KIF16B: variants seen among roughly 807,000 people sequenced by gnomAD.
KIF16B encodes kinesin-like protein KIF16B.
In KIF16B, 98 loss-of-function variants were observed where a neutral mutation model predicts 156.3. The observed-to-expected ratio is 0.63, with a 90% CI of 0.53 to 0.74. The LOEUF is 0.74. Ranked by LOEUF, KIF16B falls within the 30% of genes least tolerant of loss-of-function variation. The pLI is 0.00. For synonymous variants in KIF16B, 564 were observed against 583.7 expected, an observed-to-expected ratio of 0.97 and a Z score of 0.49; for missense variants, 1,421 against 1,606.5, an observed-to-expected ratio of 0.88 and a Z score of 1.97.
rs984816315 is a variant in KIF16B at position 16,429,065 on chromosome 20, A to G, written c.1423-61T>C. 4 of 1,407,108 alleles carry G rather than the reference A, an allele frequency of 2.8e-6. No homozygotes were observed. The African/African-American group carries it at 4.2e-5, about 15-fold the overall frequency. The allele number at this position is 1,407,108 out of a possible 1,614,324, so 87.2% of individuals were successfully genotyped here. On this transcript the variant is annotated intron_variant, in intron 13 of 25. Transcript: ENST00000354981. Reference sequence around the variant, plus strand: ...AAGAGAAGGAATAGCTTGTTTCTTCATTTTTCATTGAAGCCCAAACAACAT... The same window carrying G: ...AAGAGAAGGAATAGCTTGTTTCTTCGTTTTTCATTGAAGCCCAAACAACAT...
intron 15 of KIF16B, among the ~76,000 whole-genome samples, chr20:16,408,412 A>G (rs2065839626): frequency 6.6e-6 from 1 of 152,156 alleles, no homozygotes; most frequent in South Asian, 2.1e-4. Flanking sequence ...GGTGTTTCCC[A>G]TGCCTTTTAC....
intron 6 of KIF16B, among the ~76,000 whole-genome samples, 191 bp downstream of exon 6, chr20:16,511,227 C>T (rs775583248): frequency 1.6e-4 from 24 of 152,162 alleles, no homozygotes; most frequent in Admixed American, 5.2e-4. Context: ...ATAAAATCAA[C>T]GGATGGCCAG....
chr20:16,510,374 G>A (rs568845178), intron 6 of KIF16B, among the ~76,000 whole-genome samples: 277 of 152,294 alleles, frequency 1.8e-3, no homozygotes, highest in Admixed American at 4.9e-3. Context: ...CAGATGGGCC[G>A]GGCGTGGTGG....
chr20:16,554,445 C>T (rs2070774755), intron 1 of KIF16B, among the ~76,000 whole-genome samples: 1 of 152,206 alleles, frequency 6.6e-6, no homozygotes, highest in African/African-American at 2.4e-5. Context: ...GCGCTGAACG[C>T]TCATCGGGAC....
intron 12 of KIF16B, among the ~76,000 whole-genome samples, chr20:16,472,277 T>G (rs2067683049): frequency 6.6e-6 from 1 of 152,230 alleles, no homozygotes; most frequent in African/African-American, 2.4e-5. Flanking sequence ...TCACAGAAAG[T>G]CTGCCAATCC....
intron 12 of KIF16B, among the ~76,000 whole-genome samples, chr20:16,483,911 T>C (rs35255287): frequency 5.5e-4 from 83 of 152,284 alleles, no homozygotes; most frequent in African/African-American, 1.8e-3. Context: ...AACTTATCTA[T>C]GTCATGAAAT....
At chr20:16,398,259 T>C (rs543895338) in intron 17 of KIF16B, among the ~76,000 whole-genome samples, 2 of 152,232 alleles carry the variant, frequency 1.3e-5, no homozygotes, top group African/African-American at 2.4e-5. Context: ...GTGTGACCCA[T>C]GTAAATCACA....
intron 17 of KIF16B, among the ~76,000 whole-genome samples, chr20:16,402,111 C>T (rs2065671219): frequency 6.6e-6 from 1 of 152,084 alleles, no homozygotes; most frequent in Non-Finnish European, 1.5e-5. Flanking sequence ...CTTCACTTCT[C>T]ATTTTGATGC....
At chr20:16,527,575 GT>G (rs1003986392) in intron 2 of KIF16B, among the ~76,000 whole-genome samples, 13 of 152,038 alleles carry the variant, frequency 8.6e-5, no homozygotes, top group African/African-American at 2.7e-4. Context: ...TTTTGTTGTT[GT>G]TTTTTTGTTT....
In KIF16B at chr20:16,379,162, T is replaced by C; in HGVS notation, c.2840A>G (p.Lys947Arg). 6.2e-7 allele frequency: 1 copy of C among 1,614,212 alleles called. No homozygotes were observed. The highest frequency in any genetic ancestry group is 8.5e-7 in the Non-Finnish European group (1 of 1,180,036). The stretch of plus-strand genomic sequence containing the variant: ...CTGTTCTTCTTTTTCTTCCATTTCC[T>C]TTTCTACTTGATAAAGAGTGTTGTC... ...SLDNTLYQVE[K>R]EMEEKEEQLA... Residue 947 changes from lysine (K) to arginine (R), a missense_variant, in exon 19 of 26, where the codon AAG becomes AGG. Transcript: ENST00000354981.
At chr20:16,310,108 C>A (rs1437023691) in intron 25 of KIF16B, among the ~76,000 whole-genome samples, 1 of 152,160 alleles carries the variant, frequency 6.6e-6, no homozygotes, top group African/African-American at 2.4e-5. Flanking sequence ...AGATAATATT[C>A]TAAGATTTAA....
chr20:16,320,630 A>G (rs2063759966), intron 24 of KIF16B, among the ~76,000 whole-genome samples: 1 of 152,224 alleles, frequency 6.6e-6, no homozygotes, highest in South Asian at 2.1e-4. Flanking sequence ...AGGGTCTTTC[A>G]AGTGCCACAA....
intron 15 of KIF16B, among the ~76,000 whole-genome samples, 189 bp downstream of exon 15, chr20:16,426,915 A>T (rs2066368567): frequency 6.6e-6 from 1 of 152,190 alleles, no homozygotes; most frequent in Non-Finnish European, 1.5e-5. Context: ...TAATTAAACA[A>T]GACAATGGGT....
intron 1 of KIF16B, among the ~76,000 whole-genome samples, chr20:16,556,525 T>C (rs1329830663): frequency 6.6e-6 from 1 of 152,220 alleles, no homozygotes; most frequent in African/African-American, 2.4e-5. Context: ...CCTGGGATTC[T>C]GTTCTCCATT....
At chr20:16,312,023 A>C (rs552944512) in intron 25 of KIF16B, among the ~76,000 whole-genome samples, 1 of 152,350 alleles carries the variant, frequency 6.6e-6, no homozygotes, top group African/African-American at 2.4e-5. Flanking sequence ...TTGTACTCTC[A>C]TCCTGTATCA....
chr20:16,480,171 C>T (rs2067939828), intron 12 of KIF16B, among the ~76,000 whole-genome samples: 1 of 152,076 alleles, frequency 6.6e-6, no homozygotes, highest in Non-Finnish European at 1.5e-5. Flanking sequence ...AGAGGCTGGG[C>T]TCCAAGGGCA....
At chr20:16,475,571 C>A (rs1224707660) in intron 12 of KIF16B, among the ~76,000 whole-genome samples, 1 of 152,198 alleles carries the variant, frequency 6.6e-6, no homozygotes, top group Admixed American at 6.5e-5. Flanking sequence ...CGGGAACCAA[C>A]GCAGAGGTTA....
At chr20:16,511,881 T>C (rs984418277) in intron 5 of KIF16B, among the ~76,000 whole-genome samples, 3 of 152,210 alleles carry the variant, frequency 2.0e-5, no homozygotes, top group African/African-American at 7.2e-5. Context: ...CCAGGGGTGG[T>C]GGCTCACGTC....
intron 25 of KIF16B, among the ~76,000 whole-genome samples, chr20:16,297,470 A>G (rs564696239): frequency 2.0e-5 from 3 of 152,306 alleles, no homozygotes; most frequent in African/African-American, 7.2e-5. Flanking sequence ...AGGCGGGCAC[A>G]TCACGAGGTC....
Sources: allele counts gnomAD v4.1 joint callset (sites outside exome capture counted in the v4.1 genomes callset), GRCh38; gene constraint gnomAD v4.1.1; transcripts MANE v1.5; gene names NCBI Gene and HGNC (gene_info 2026-07-23, HGNC 2026-07-21).